The following MGMT variants were observed in gnomAD, a reference collection of about 807,000 sequenced individuals.
MGMT encodes the protein methylated-DNA--protein-cysteine methyltransferase.
MGMT carries 14 observed loss-of-function variants against 15.9 expected under a neutral mutation model. The observed-to-expected ratio is 0.88, with a 90% CI of 0.58 to 1.37. The LOEUF is 1.37. Among genes scored for constraint, MGMT ranks in the 40% most tolerant of loss-of-function variants. The pLI, the probability that MGMT is intolerant of heterozygous loss-of-function variation, is 0.00. For synonymous variants in MGMT, 130 were observed against 118.2 expected, an observed-to-expected ratio of 1.10 and a Z score of -0.65; for missense variants, 282 against 268.1, an observed-to-expected ratio of 1.05 and a Z score of -0.36.
chr10:129,650,670 C>G (rs1847446970), intron 2 of MGMT, among the ~76,000 whole-genome samples: 1 of 152,194 alleles, frequency 6.6e-6, no homozygotes, highest in East Asian at 1.9e-4. Flanking sequence ...TGACAGGGAT[C>G]CTGCTCGAGG....
intron 2 of MGMT, among the ~76,000 whole-genome samples, chr10:129,644,341 C>T (rs1419542497): frequency 6.6e-6 from 1 of 152,228 alleles, no homozygotes; most frequent in African/African-American, 2.4e-5. Flanking sequence ...TACACTGCGG[C>T]ATGTGCTGGA....
intron 4 of MGMT, among the ~76,000 whole-genome samples, chr10:129,764,044 C>T (rs1379132634): frequency 1.3e-5 from 2 of 152,220 alleles, no homozygotes; most frequent in South Asian, 4.1e-4. Flanking sequence ...ACCTTGCAGC[C>T]ATGTCATCTG....
chr10:129,644,988 C>A (rs1265906965), intron 2 of MGMT, among the ~76,000 whole-genome samples: 1 of 152,138 alleles, frequency 6.6e-6, no homozygotes, highest in East Asian at 1.9e-4. Flanking sequence ...AGATAATGAA[C>A]CTGAAGTGAG....
chr10:129,763,747 A>T (rs963879888), intron 4 of MGMT, among the ~76,000 whole-genome samples: 6 of 152,238 alleles, frequency 3.9e-5, no homozygotes, highest in Non-Finnish European at 7.3e-5. Flanking sequence ...AGCAATTATT[A>T]ATGGGACTGT....
chr10:129,635,190 C>T (rs933706062), intron 2 of MGMT, among the ~76,000 whole-genome samples: 1 of 152,192 alleles, frequency 6.6e-6, no homozygotes, highest in African/African-American at 2.4e-5. Flanking sequence ...AGCTCTTTTC[C>T]TGCCTGGGGG....
chr10:129,501,802 G>A (rs1845577231), intron 1 of MGMT, among the ~76,000 whole-genome samples: 1 of 152,250 alleles, frequency 6.6e-6, no homozygotes, highest in South Asian at 2.1e-4. Context: ...GTCTGTGGTA[G>A]ACCAGGGAGG....
rs868674820 is a variant in MGMT, at chr10:129,629,104, C to T, written c.126-78791C>T. ...CAGGTCCCACCAGCGCCCTGCCAGGCGGCAATGGTCTACACCGCCATTTTA... is the reference window on the plus strand; with the variant it reads ...CAGGTCCCACCAGCGCCCTGCCAGGTGGCAATGGTCTACACCGCCATTTTA... On this transcript the variant is annotated intron_variant, in intron 2 of 4. Coordinates refer to ENST00000651593, the MANE Select transcript of MGMT (RefSeq NM_002412.5). 3.3e-5 allele frequency among the ~76,000 whole-genome samples: 5 copies of T among 152,348 alleles called. No homozygotes were observed. The East Asian group carries it at 7.7e-4, about 24-fold the overall frequency.
rs746315501 is a variant in MGMT, at chr10:129,766,943, C to G, written c.570C>G (p.Ala190=). The stretch of plus-strand genomic sequence containing the variant: ...GAGGGAGCTCAGGTCTGGCAGGGGC[C>G]TGGCTCAAGGGAGCGGGAGCTACCT... ...GLGGSSGLAG[A]WLKGAGATSG... is the part of the protein sequence containing the mutation. Residue 190 remains alanine (A), a synonymous_variant, in exon 5 of 5, where the codon GCC becomes GCG. Transcript: ENST00000651593. The G allele has an allele frequency of 6.2e-7, 1 of 1,612,944 alleles. No homozygotes were observed. Among genetic ancestry groups the G allele is most frequent in the Non-Finnish European group, 8.5e-7 (1 of 1,179,860 alleles).
At chr10:129,574,868 A>G (rs1220659615) in intron 2 of MGMT, among the ~76,000 whole-genome samples, 1 of 152,190 alleles carries the variant, frequency 6.6e-6, no homozygotes, top group Non-Finnish European at 1.5e-5. Context: ...TATTTCTGTC[A>G]GATCTCTTAC....
chr10:129,553,487 G>A (rs76345335), intron 2 of MGMT, among the ~76,000 whole-genome samples: 5,004 of 152,310 alleles, frequency 0.033, 131 homozygotes, highest in South Asian at 0.064. Flanking sequence ...ATGTGAACCT[G>A]TGGGCCCGGG....
intron 3 of MGMT, among the ~76,000 whole-genome samples, chr10:129,739,019 T>C (rs191543738): frequency 1.3e-5 from 2 of 152,216 alleles, no homozygotes; most frequent in Non-Finnish European, 2.9e-5. Context: ...TCAATAAACA[T>C]GTTCCATCAC....
At chr10:129,749,945 C>A (rs1848734823) in intron 3 of MGMT, among the ~76,000 whole-genome samples, 1 of 151,778 alleles carries the variant, frequency 6.6e-6, no homozygotes, top group Admixed American at 6.6e-5. Context: ...TAAGACTTGC[C>A]CATTTTTTAA....
rs755914410 is a variant in MGMT, at chr10:129,539,362, C to T, written c.125+2985C>T. ...TCATTTGTTGGAAAATAAAAATTGT[C>T]TCCTTTCTTCATTGAATTACCATCA... On this transcript the variant is annotated intron_variant, in intron 2 of 4. Transcript: ENST00000651593. Among the ~76,000 whole-genome samples, 46 of 152,220 alleles carry T rather than the reference C, an allele frequency of 3.0e-4. 1 individual carries two copies. Among genetic ancestry groups the T allele is most frequent in the Middle Eastern group, 3.4e-3 (1 of 294 alleles).
rs751386928 is a variant in MGMT, at chr10:129,647,426, G to A, written c.126-60469G>A. 3.3e-5 allele frequency among the ~76,000 whole-genome samples: 5 copies of A among 152,228 alleles called. No individual in the cohort carries two copies. In the South Asian group the frequency reaches 1.0e-3, roughly 32 times the overall value. On this transcript the variant is annotated intron_variant, in intron 2 of 4. Coordinates refer to ENST00000651593, the MANE Select transcript of MGMT (RefSeq NM_002412.5). The stretch of plus-strand genomic sequence containing the variant: ...TGCTGGGAATTGGATGCACTTGGCT[G>A]TGTGTGTCACTTAGGAAATGCGCTA...
At chr10:129,673,615 C>A (rs1021882096) in intron 2 of MGMT, among the ~76,000 whole-genome samples, 1 of 152,110 alleles carries the variant, frequency 6.6e-6, no homozygotes, top group Admixed American at 6.6e-5. Flanking sequence ...AGGACCAGCC[C>A]TCTGGTTCTG....
intron 2 of MGMT, among the ~76,000 whole-genome samples, chr10:129,620,884 G>A (rs1272056902): frequency 6.6e-6 from 1 of 151,784 alleles, no homozygotes; most frequent in Non-Finnish European, 1.5e-5. Flanking sequence ...CTAATTCCCT[G>A]CCTTCTTTTG....
chr10:129,745,907 C>T (rs1848689427), intron 3 of MGMT, among the ~76,000 whole-genome samples: 1 of 152,002 alleles, frequency 6.6e-6, no homozygotes, highest in South Asian at 2.1e-4. Flanking sequence ...CAAATATTTT[C>T]TCCTAGCTAG....
intron 2 of MGMT, among the ~76,000 whole-genome samples, chr10:129,539,339 A>G (rs980248706): frequency 1.3e-5 from 2 of 152,002 alleles, no homozygotes; most frequent in Admixed American, 6.6e-5. Context: ...TTTTAGCATC[A>G]TTTGTTGGAA....
At chr10:129,712,374 C>T (rs779820881) in intron 3 of MGMT, among the ~76,000 whole-genome samples, 7 of 152,226 alleles carry the variant, frequency 4.6e-5, no homozygotes, top group Admixed American at 6.5e-5. Context: ...TTTAATAATT[C>T]CTTCGTCACA....
Sources: allele counts gnomAD v4.1 joint callset (sites outside exome capture counted in the v4.1 genomes callset), GRCh38; gene constraint gnomAD v4.1.1; transcripts MANE v1.5; gene names NCBI Gene and HGNC (gene_info 2026-07-23, HGNC 2026-07-21).